COL6A5: variants seen among roughly 807,000 people sequenced by gnomAD.
COL6A5 encodes the protein collagen alpha-5(VI) chain.
Under a neutral mutation model 65.6 loss-of-function variants are expected in COL6A5, and 48 were observed. The ratio of observed to expected loss-of-function variants is 0.73; its 90% CI spans 0.58 to 0.93. The LOEUF is 0.93. Among genes scored for constraint, COL6A5 ranks in the 40% least tolerant of loss-of-function variants. The pLI is 0.00. For synonymous variants in COL6A5, 291 were observed against 322.8 expected (o/e 0.90, Z 1.05); for missense variants, 914 against 928.3 (o/e 0.98, Z 0.20).
Position 130,431,831 on chromosome 3 carries a change from G to T in COL6A5, c.371G>T (p.Ser124Ile). Reference sequence around the variant, plus strand: ...GTGAGGAGAGTTGCTGTGTTTTTTAGCAATGGTCAAACAGCCAGTAGGTCA... The same window carrying T: ...GTGAGGAGAGTTGCTGTGTTTTTTATCAATGGTCAAACAGCCAGTAGGTCA... Residue 124 changes from serine to isoleucine, a missense_variant, in exon 1 of 8, where the codon AGC becomes ATC. Ser to Ile is a moderately radical substitution (Grantham distance 142). Coordinates refer to ENST00000512836, the Ensembl canonical transcript of COL6A5. 6.4e-7 allele frequency: 1 copy of T among 1,551,616 alleles called. No individual in the cohort carries two copies. The highest frequency in any genetic ancestry group is 8.7e-7 in the Non-Finnish European group (1 of 1,146,952).
chr3:130,431,361 A>G (rs949289499), upstream of COL6A5: 6 of 1,274,110 alleles, frequency 4.7e-6, no homozygotes, highest in Non-Finnish European at 5.5e-6. Flanking sequence ...TGGATGAAGC[A>G]CTTGCTTTGC....
At chr3:130,387,185 C>T (rs1273231262) in intron 5 of COL6A5, among the ~76,000 whole-genome samples, 1 of 152,006 alleles carries the variant, frequency 6.6e-6, no homozygotes, top group Non-Finnish European at 1.5e-5. Context: ...AATGGTAAGA[C>T]CCAGAAGTGG....
chr3:130,420,408 A>T (rs1008887663), intron 25 of COL6A5, among the ~76,000 whole-genome samples: 13 of 152,086 alleles, frequency 8.5e-5, no homozygotes, highest in Non-Finnish European at 1.5e-5. Flanking sequence ...TATAACATTC[A>T]TTTATGTGAC....
chr3:130,350,332 A>G (rs2107610945), intron 1 of COL6A5, among the ~76,000 whole-genome samples: 1 of 152,322 alleles, frequency 6.6e-6, no homozygotes, highest in African/African-American at 2.4e-5. Context: ...AGAGAAAGAA[A>G]TAAAAGGTAT....
intron 7 of COL6A5, among the ~76,000 whole-genome samples, chr3:130,474,741 C>T (rs1710045379): frequency 6.6e-6 from 1 of 151,864 alleles, no homozygotes; most frequent in Non-Finnish European, 1.5e-5. Context: ...AGTGCAGTGG[C>T]TCACACCTGT....
At chr3:130,410,361 G>T (rs1444439866) in intron 19 of COL6A5, 110 bp from the exon 20 acceptor site, 3 of 785,276 alleles carry the variant, frequency 3.8e-6, no homozygotes, top group Non-Finnish European at 6.4e-6. Context: ...ATCACAGCAT[G>T]ACATGTTTAT....
chr3:130,468,752 T>C (rs1448148480), intron 5 of COL6A5, 43 bp from the exon 38 acceptor site: 7 of 1,432,444 alleles, frequency 4.9e-6, no homozygotes, highest in Admixed American at 2.0e-5. Flanking sequence ...GCTCCAAGCT[T>C]ATCTTTCCAT....
At chr3:130,393,792 T>G (rs1936492062) in intron 7 of COL6A5, among the ~76,000 whole-genome samples, 1 of 152,218 alleles carries the variant, frequency 6.6e-6, no homozygotes, top group African/African-American at 2.4e-5. Context: ...ACAGCTGGAC[T>G]AAGGGAGAAC....
rs140069251 is a variant in COL6A5 at position 130,476,278 on chromosome 3, T to C, written c.2328+5311T>C. ...TCTTTTTATAAGAGTAACGGTTCCG[T>C]AAAATCAGGGCTTCACCCTTATGAC... On this transcript the variant is annotated intron_variant, in intron 7 of 7. Coordinates refer to ENST00000512836, the Ensembl canonical transcript of COL6A5. Among the ~76,000 whole-genome samples, 689 of 152,170 alleles carry C rather than the reference T, an allele frequency of 4.5e-3. 5 individuals are homozygous for C. The highest frequency in any genetic ancestry group is 0.015 in the African/African-American group (628 of 41,540).
At chr3:130,471,658 TA>T in intron 7 of COL6A5, 23 bp from the exon 40 acceptor site, 1 of 1,527,442 alleles carries the variant, frequency 6.5e-7, no homozygotes, top group Non-Finnish European at 8.8e-7. Context: ...ACTAATTTTT[TA>T]TCTCTCTTCT....
chr3:130,380,244 A>G (rs1935950005), intron 4 of COL6A5, among the ~76,000 whole-genome samples, 194 bp downstream of exon 4: 1 of 152,162 alleles, frequency 6.6e-6, no homozygotes, highest in South Asian at 2.1e-4. Flanking sequence ...TACACTTACA[A>G]GAGGTCAATT....
chr3:130,410,428 G>T, intron 19 of COL6A5, 43 bp from the exon 20 acceptor site: 2 of 1,458,748 alleles, frequency 1.4e-6, no homozygotes, highest in South Asian at 2.5e-5. Context: ...GATTTATTCA[G>T]AATTTTTTCC....
At chr3:130,371,940 T>A (rs531434325) in intron 1 of COL6A5, among the ~76,000 whole-genome samples, 1 of 152,272 alleles carries the variant, frequency 6.6e-6, no homozygotes, top group African/African-American at 2.4e-5. Flanking sequence ...CTGCTAAGCA[T>A]GTAGTATTCT....
intron 7 of COL6A5, among the ~76,000 whole-genome samples, chr3:130,478,404 A>G (rs112264105): frequency 3.0e-4 from 46 of 152,198 alleles, no homozygotes; most frequent in African/African-American, 9.9e-4. Context: ...CAGTGTAATG[A>G]AAAGCTTGGA....
chr3:130,451,856 C>T (rs1217214992), intron 4 of COL6A5, among the ~76,000 whole-genome samples: 1 of 152,050 alleles, frequency 6.6e-6, no homozygotes, highest in Non-Finnish European at 1.5e-5. Flanking sequence ...ATTGTGGTAA[C>T]TGTAGGGGAT....
intron 7 of COL6A5, among the ~76,000 whole-genome samples, chr3:130,480,807 T>G (rs1477028142): frequency 1.3e-5 from 2 of 152,120 alleles, no homozygotes; most frequent in Non-Finnish European, 2.9e-5. Context: ...CAGCTTCCCC[T>G]GAATCCAACA....
chr3:130,411,870 T>G (rs1030209149), intron 20 of COL6A5, among the ~76,000 whole-genome samples: 1 of 152,120 alleles, frequency 6.6e-6, no homozygotes. Context: ...CTTTGTAATT[T>G]CTTTTCTCCT....
intron 29 of COL6A5, among the ~76,000 whole-genome samples, chr3:130,424,125 T>A (rs1376107160): frequency 6.6e-6 from 1 of 152,084 alleles, no homozygotes; most frequent in East Asian, 1.9e-4. Context: ...GATAATCAAA[T>A]GTGAATACTC....
intron 4 of COL6A5, among the ~76,000 whole-genome samples, chr3:130,446,186 T>G (rs2107708235): frequency 6.6e-6 from 1 of 152,264 alleles, no homozygotes; most frequent in Non-Finnish European, 1.5e-5. Flanking sequence ...CAGTGCCTTC[T>G]TCTCCTGGTT....
Sources: gnomAD v4.1 joint callset for allele counts (sites outside exome capture counted in the v4.1 genomes callset) on GRCh38, gnomAD v4.1.1 for gene constraint, MANE v1.5 for transcripts, NCBI Gene and HGNC (gene_info 2026-07-23, HGNC 2026-07-21) for gene names.